CLVS1: variants seen among roughly 807,000 people sequenced by gnomAD.
CLVS1 encodes the protein clavesin-1.
A neutral mutation model predicts 33.1 loss-of-function variants in CLVS1; 10 were observed. That is an observed-to-expected ratio of 0.30 (90% CI 0.19 to 0.51). CLVS1 has a LOEUF of 0.51. Among genes scored for constraint, CLVS1 ranks in the 20% least tolerant of loss-of-function variants. The pLI, the probability that CLVS1 is intolerant of heterozygous loss-of-function variation, is 0.97. For synonymous variants in CLVS1, 163 were observed against 166.1 expected (o/e 0.98, Z 0.14); for missense variants, 343 against 433.4 (o/e 0.79, Z 1.85).
intron 2 of CLVS1, among the ~76,000 whole-genome samples, chr8:61,190,226 A>G (rs1807440764): frequency 6.6e-6 from 1 of 152,192 alleles, no homozygotes; most frequent in South Asian, 2.1e-4. Context: ...AACTCACTCC[A>G]AACTGCTCAA....
At chr8:61,329,573 A>G (rs1021573082) in intron 2 of CLVS1, among the ~76,000 whole-genome samples, 1 of 152,178 alleles carries the variant, frequency 6.6e-6, no homozygotes, top group Admixed American at 6.5e-5. Context: ...TGCCCCAATT[A>G]CCTTGATTTT....
intron 3 of CLVS1, among the ~76,000 whole-genome samples, chr8:61,405,505 A>C (rs917522584): frequency 6.6e-6 from 1 of 152,152 alleles, no homozygotes; most frequent in African/African-American, 2.4e-5. Context: ...CAGGTGCAGC[A>C]GCTCACACCT....
At chr8:60,987,636 T>G in the CLVS1 span, among the ~76,000 whole-genome samples, 514 of 152,314 alleles carry the variant, frequency 3.4e-3, 5 homozygotes, top group Non-Finnish European at 3.7e-3. Context: ...AAATGTATCC[T>G]TACTTTACAG....
chr8:61,451,520 C>A (rs903418047), intron 3 of CLVS1, among the ~76,000 whole-genome samples: 7 of 152,024 alleles, frequency 4.6e-5, no homozygotes, highest in African/African-American at 1.5e-4. Context: ...GTGCATGATG[C>A]TCTTTAGTCT....
chr8:60,997,382 C>T, the CLVS1 span, among the ~76,000 whole-genome samples: 1 of 152,350 alleles, frequency 6.6e-6, no homozygotes, highest in Non-Finnish European at 1.5e-5. Context: ...GTTTACAGCA[C>T]AACACAGCCT....
chr8:61,322,192 G>A (rs1811215995), intron 2 of CLVS1, among the ~76,000 whole-genome samples: 1 of 152,140 alleles, frequency 6.6e-6, no homozygotes. Context: ...TCTTCAGTGT[G>A]AGTAAATATC....
At chr8:60,991,472 C>A in the CLVS1 span, among the ~76,000 whole-genome samples, 1 of 152,206 alleles carries the variant, frequency 6.6e-6, no homozygotes, top group African/African-American at 2.4e-5. Context: ...GAAAAATACT[C>A]TCATCTCCTT....
rs748737881 is a variant in CLVS1, at chr8:61,459,943, G to A, written c.977+1401G>A. ...CTGCCTTCTCCATGCGTCCTTACAC[G>A]GTTTTCCTTCTGTGTGTGTCTGCCT... On this transcript the variant is annotated intron_variant, in intron 5 of 5. Coordinates refer to ENST00000325897, the MANE Select transcript of CLVS1 (RefSeq NM_173519.3). 2.6e-5 allele frequency among the ~76,000 whole-genome samples: 4 copies of A among 152,210 alleles called. No individual in the cohort carries two copies. The South Asian group carries it at 6.2e-4, about 24-fold the overall frequency.
chr8:61,275,805 G>A (rs937931823), intron 2 of CLVS1, among the ~76,000 whole-genome samples: 1 of 152,138 alleles, frequency 6.6e-6, no homozygotes, highest in African/African-American at 2.4e-5. Flanking sequence ...TCCCTCAAAA[G>A]AACAAACCAC....
At chr8:61,338,608 T>G (rs1811890595) in intron 2 of CLVS1, among the ~76,000 whole-genome samples, 1 of 152,190 alleles carries the variant, frequency 6.6e-6, no homozygotes. Flanking sequence ...ATTTTTGGGT[T>G]CCAAAACCAT....
At chr8:61,145,421 A>T (rs1184866455) in intron 2 of CLVS1, among the ~76,000 whole-genome samples, 1 of 152,264 alleles carries the variant, frequency 6.6e-6, no homozygotes, top group East Asian at 1.9e-4. Context: ...TTCTGAAAGA[A>T]TAAAAGGTGA....
At chr8:61,346,989 C>T (rs1335170797) in intron 2 of CLVS1, among the ~76,000 whole-genome samples, 1 of 152,124 alleles carries the variant, frequency 6.6e-6, no homozygotes, top group Non-Finnish European at 1.5e-5. Context: ...ATTAAGAGAG[C>T]TTAAGAAGGG....
At chr8:61,083,998 G>C (rs1805073259) in intron 1 of CLVS1, among the ~76,000 whole-genome samples, 1 of 152,122 alleles carries the variant, frequency 6.6e-6, no homozygotes, top group Non-Finnish European at 1.5e-5. Context: ...TACTAAGAAA[G>C]GGTCACAATC....
At chr8:61,295,997 C>G (rs370925021) in intron 1 of CLVS1, among the ~76,000 whole-genome samples, 2 of 152,074 alleles carry the variant, frequency 1.3e-5, no homozygotes, top group Non-Finnish European at 2.9e-5. Flanking sequence ...TCAATGTATC[C>G]ATTTATAATT....
chr8:61,386,832 CATT>C (rs1020479196), intron 3 of CLVS1, among the ~76,000 whole-genome samples: 61 of 151,776 alleles, frequency 4.0e-4, no homozygotes, highest in African/African-American at 1.0e-3. Flanking sequence ...CTTTCACAAA[CATT>C]ATCTTATTTG....
In CLVS1 at chr8:61,350,054, A is replaced by G. The variant is rs574506737; in HGVS notation, c.456-26551A>G. 3.9e-5 allele frequency among the ~76,000 whole-genome samples: 6 copies of G among 152,278 alleles called. No individual in the cohort carries two copies. The East Asian group carries it at 7.7e-4, about 20-fold the overall frequency. Reference sequence around the variant, plus strand: ...AAAAGCATTAAACCATAGCATTAATATATGTTGGTCAAAGGATATAGAATT... The same window carrying G: ...AAAAGCATTAAACCATAGCATTAATGTATGTTGGTCAAAGGATATAGAATT... On this transcript the variant is annotated intron_variant, in intron 2 of 5. Coordinates refer to ENST00000325897, the MANE Select transcript of CLVS1 (RefSeq NM_173519.3).
chr8:61,157,847 C>A (rs1195556237), intron 2 of CLVS1, among the ~76,000 whole-genome samples: 1 of 151,988 alleles, frequency 6.6e-6, no homozygotes, highest in South Asian at 2.1e-4. Context: ...CAACTACACA[C>A]CCACTATAAT....
intron 1 of CLVS1, among the ~76,000 whole-genome samples, chr8:61,117,850 C>T (rs1805762499): frequency 6.7e-6 from 1 of 148,928 alleles, no homozygotes; most frequent in South Asian, 2.1e-4. Context: ...TGTTGTGTCT[C>T]TGCCTGGCTT....
At chr8:61,062,758 C>T (rs2129278195) in intron 1 of CLVS1, among the ~76,000 whole-genome samples, 1 of 152,292 alleles carries the variant, frequency 6.6e-6, no homozygotes, top group Admixed American at 6.5e-5. Flanking sequence ...TTCTTTCTTC[C>T]AGTCATTCAG....
Sources: gnomAD v4.1 joint callset for allele counts (sites outside exome capture counted in the v4.1 genomes callset) on GRCh38, gnomAD v4.1.1 for gene constraint, MANE v1.5 for transcripts, NCBI Gene and HGNC (gene_info 2026-07-23, HGNC 2026-07-21) for gene names.